MAN1A1: variants seen among roughly 807,000 people sequenced by gnomAD.
The protein encoded by MAN1A1 is mannosyl-oligosaccharide 1,2-alpha-mannosidase IA.
A neutral mutation model predicts 70.8 loss-of-function variants in MAN1A1; 29 were observed. The ratio of observed to expected loss-of-function variants is 0.41; its 90% CI spans 0.31 to 0.56. MAN1A1 has a LOEUF of 0.56. MAN1A1 is among the 20% of genes least tolerant of loss of function. The probability of loss-of-function intolerance (pLI) is 0.29; values close to 1 mark genes in which losing one functional copy is unlikely to be tolerated. For missense variants in MAN1A1, 747 were observed against 841.3 expected (o/e 0.89, Z 1.39); for synonymous variants, 349 against 330.1 (o/e 1.06, Z -0.62).
intron 5 of MAN1A1, among the ~76,000 whole-genome samples, chr6:119,260,666 A>C (rs1340915136): frequency 2.6e-5 from 4 of 152,196 alleles, no homozygotes; most frequent in Admixed American, 6.5e-5. Context: ...TAGAGGCTTT[A>C]ACATATTTTC....
chr6:119,297,062 G>A (rs1772235689), intron 4 of MAN1A1, among the ~76,000 whole-genome samples: 1 of 152,196 alleles, frequency 6.6e-6, no homozygotes, highest in African/African-American at 2.4e-5. Flanking sequence ...TCTCATGTGA[G>A]GTTCTAGGTA....
chr6:119,232,160 C>T (rs570988243), intron 6 of MAN1A1, among the ~76,000 whole-genome samples: 1 of 151,988 alleles, frequency 6.6e-6, no homozygotes, highest in African/African-American at 2.4e-5. Flanking sequence ...ATCACGAGGT[C>T]AGGAGATCGA....
At chr6:119,306,271 T>A (rs1313080163) in intron 3 of MAN1A1, among the ~76,000 whole-genome samples, 1 of 152,140 alleles carries the variant, frequency 6.6e-6, no homozygotes, top group Non-Finnish European at 1.5e-5. Flanking sequence ...ACCCAAAGAA[T>A]CCATGACACC....
intron 6 of MAN1A1, among the ~76,000 whole-genome samples, chr6:119,218,497 A>G (rs1224217660): frequency 6.6e-6 from 1 of 152,060 alleles, no homozygotes; most frequent in Admixed American, 6.5e-5. Context: ...TTGCTATCAA[A>G]TATTAAACCA....
intron 6 of MAN1A1, among the ~76,000 whole-genome samples, chr6:119,207,941 A>T (rs928569728): frequency 1.3e-5 from 2 of 152,244 alleles, no homozygotes; most frequent in Non-Finnish European, 2.9e-5. Context: ...CCATTATGAC[A>T]GTATTTTAAA....
chr6:119,226,137 A>G (rs1345443438), intron 6 of MAN1A1, among the ~76,000 whole-genome samples: 10 of 152,348 alleles, frequency 6.6e-5, no homozygotes, highest in Non-Finnish European at 2.9e-5. Context: ...TAGAGCAGCC[A>G]TGAGAAAAGA....
intron 3 of MAN1A1, 26 bp from the exon 4 acceptor site, chr6:119,302,129 T>G (rs775837416): frequency 8.8e-7 from 1 of 1,140,012 alleles, no homozygotes; most frequent in Admixed American, 1.9e-5. Context: ...AAATATTTGA[T>G]AAAATACTTT....
intron 10 of MAN1A1, 24 bp downstream of exon 10, chr6:119,189,640 A>T (rs755785305): frequency 1.2e-6 from 2 of 1,606,326 alleles, no homozygotes; most frequent in Non-Finnish European, 8.5e-7. Context: ...AATAGACCAT[A>T]AATGAAGAAT....
chr6:119,234,109 AAAG>A (rs1477007305), intron 6 of MAN1A1, among the ~76,000 whole-genome samples: 2 of 152,200 alleles, frequency 1.3e-5, no homozygotes, highest in Non-Finnish European at 2.9e-5. Context: ...GATAATTTGA[AAAG>A]AAGAAAACAA....
At chr6:119,326,169 G>A (rs1004812548) in intron 2 of MAN1A1, among the ~76,000 whole-genome samples, 3 of 152,110 alleles carry the variant, frequency 2.0e-5, no homozygotes, top group African/African-American at 7.2e-5. Flanking sequence ...GCTCTGTCTC[G>A]GCTGCTTGAG....
At chr6:119,232,715 GT>G (rs1562203284) in intron 6 of MAN1A1, among the ~76,000 whole-genome samples, 3 of 126,230 alleles carry the variant, frequency 2.4e-5, no homozygotes, top group Admixed American at 7.5e-5. Context: ...GTGTGTGTGT[GT>G]GTATATTTGG....
At chr6:119,304,849 AC>A in intron 3 of MAN1A1, among the ~76,000 whole-genome samples, 1 of 152,332 alleles carries the variant, frequency 6.6e-6, no homozygotes, top group Non-Finnish European at 1.5e-5. Flanking sequence ...TAAAGAACTT[AC>A]ATTTTCCTAT....
chr6:119,193,777 C>A lies in MAN1A1; in HGVS notation c.1326G>T (p.Gln442His). The A allele has an allele frequency of 6.2e-7, 1 of 1,608,358 alleles. No individual in the cohort carries two copies. The highest frequency in any genetic ancestry group is 8.5e-7 in the Non-Finnish European group (1 of 1,175,806). ...AAAGATGATTTAAATATTGGGTTAC[C>A]TGAACAGCATCAAAATACATCTTCT... ...EAKKMYFDAVQAIETHLIRKS... is the reference protein window; with the variant it reads ...EAKKMYFDAVHAIETHLIRKS... Residue 442 changes from glutamine (Q) to histidine (H), a missense_variant and splice_region_variant, in exon 9 of 13, where the codon CAG (glutamine) becomes CAT (histidine). Coordinates refer to ENST00000368468, the MANE Select transcript of MAN1A1 (RefSeq NM_005907.4).
chr6:119,251,559 C>T (rs780049146), intron 5 of MAN1A1, among the ~76,000 whole-genome samples: 1 of 152,236 alleles, frequency 6.6e-6, no homozygotes, highest in African/African-American at 2.4e-5. Flanking sequence ...TGAACTCCCA[C>T]ACTGATAACT....
chr6:119,179,908 GA>G lies in MAN1A1; in HGVS notation c.1872del (p.Pro625HisfsTer60), dbSNP rs1273479329. ...CTATTGAAGATCCAATGCTCCAGTG[GA>G]AGAAGATCGTCGTCAGAAAATATTA... ...LYLIFSDDDL[L>X]PLEHWIFNSE... On this transcript the variant is annotated frameshift_variant, in exon 13 of 13. Coordinates refer to ENST00000368468, the MANE Select transcript of MAN1A1 (RefSeq NM_005907.4). LOFTEE classifies it high-confidence loss of function. 6.2e-7 allele frequency: 1 copy of G among 1,613,628 alleles called. No homozygotes were observed.
chr6:119,301,364 T>C (rs1489835788), intron 4 of MAN1A1, among the ~76,000 whole-genome samples: 1 of 152,212 alleles, frequency 6.6e-6, no homozygotes, highest in Non-Finnish European at 1.5e-5. Context: ...TTAGAAGTAT[T>C]CACTATCCTT....
chr6:119,277,936 CA>C (rs58837799), intron 5 of MAN1A1, among the ~76,000 whole-genome samples: 2,044 of 23,034 alleles, frequency 0.089, 4 homozygotes, highest in Non-Finnish European at 0.1. Context: ...GACTCCATCT[CA>C]AAAAAAAAAA....
At chr6:119,235,980 A>T (rs545590987) in intron 6 of MAN1A1, among the ~76,000 whole-genome samples, 88 of 152,240 alleles carry the variant, frequency 5.8e-4, no homozygotes, top group Non-Finnish European at 9.3e-4. Flanking sequence ...TCTACTAAAA[A>T]TACAAAAAAT....
At chr6:119,313,604 A>G (rs948813840) in intron 2 of MAN1A1, among the ~76,000 whole-genome samples, 1 of 152,150 alleles carries the variant, frequency 6.6e-6, no homozygotes, top group African/African-American at 2.4e-5. Context: ...ATAAATGGGA[A>G]TAAAGCAGTA....
Sources: allele counts gnomAD v4.1 joint callset (sites outside exome capture counted in the v4.1 genomes callset), GRCh38; gene constraint gnomAD v4.1.1; transcripts MANE v1.5; gene names NCBI Gene and HGNC (gene_info 2026-07-23, HGNC 2026-07-21).